The following SNF8 variants were observed in gnomAD, a reference collection of about 807,000 sequenced individuals.
The protein encoded by SNF8 is SNF8 subunit of ESCRT-II.
A neutral mutation model predicts 36.8 loss-of-function variants in SNF8; 19 were observed. That is an observed-to-expected ratio of 0.52 (90% CI 0.36 to 0.76). The LOEUF is 0.76. SNF8 is among the 30% of genes least tolerant of loss of function. The pLI, the probability that SNF8 is intolerant of heterozygous loss-of-function variation, is 0.00. For synonymous variants in SNF8, 127 were observed against 127.4 expected, an observed-to-expected ratio of 1.00 and a Z score of 0.02; for missense variants, 268 against 322.9, an observed-to-expected ratio of 0.83 and a Z score of 1.30.
At chr17:48,937,614 G>C (rs909495804) in intron 3 of SNF8, among the ~76,000 whole-genome samples, 3 of 143,472 alleles carry the variant, frequency 2.1e-5, no homozygotes, top group African/African-American at 7.5e-5. Context: ...TGGGCAATAA[G>C]AGCACAACTC....
chr17:48,935,061 AAAT>A (rs1458580501), intron 5 of SNF8, among the ~76,000 whole-genome samples: 2 of 152,100 alleles, frequency 1.3e-5, no homozygotes, highest in African/African-American at 2.4e-5. Context: ...CCTTGGCCTC[AAAT>A]AATCTCACGA....
In SNF8 at chr17:48,937,073, T is replaced by G; in HGVS notation, c.296A>C (p.Glu99Ala). ...CACTTCGATAATTTGGACACCTAGT[T>G]CGTAATAGAAGTCCCCCACGCCCAG... Reference protein sequence around the residue: ...EMLGVGDFYYELGVQIIEVCL... With the variant: ...EMLGVGDFYYALGVQIIEVCL... Residue 99 changes from glutamate to alanine, a missense_variant, in exon 4 of 8, where the codon GAA becomes GCA. Glu to Ala is a moderately radical substitution (Grantham distance 107). Transcript: ENST00000502492. 1 of 1,614,180 alleles carries G rather than the reference T, an allele frequency of 6.2e-7. No homozygotes were observed. The highest frequency in any genetic ancestry group is 8.5e-7 in the Non-Finnish European group (1 of 1,180,020).
chr17:48,942,228 T>C (rs1274957060), intron 2 of SNF8, among the ~76,000 whole-genome samples: 3 of 151,978 alleles, frequency 2.0e-5, no homozygotes, highest in African/African-American at 7.3e-5. Context: ...CCAATATTTA[T>C]TTCTCATATA....
At chr17:48,938,872 T>G (rs2040978185) in intron 3 of SNF8, among the ~76,000 whole-genome samples, 1 of 140,926 alleles carries the variant, frequency 7.1e-6, no homozygotes, top group Non-Finnish European at 1.5e-5. Context: ...AGACTCCGTC[T>G]CAAAAAAAAA....
intron 5 of SNF8, chr17:48,933,609 C>T: frequency 2.5e-6 from 1 of 402,330 alleles, no homozygotes; most frequent in South Asian, 2.9e-5. Context: ...GGCATGGTGG[C>T]AATCGCCTAT....
At chr17:48,937,676 C>A (rs2040956195) in intron 3 of SNF8, among the ~76,000 whole-genome samples, 1 of 150,728 alleles carries the variant, frequency 6.6e-6, no homozygotes, top group Admixed American at 6.6e-5. Context: ...GCCTGTAATT[C>A]CAGCACTTTG....
At chr17:48,940,901 G>A in intron 3 of SNF8, 23 bp downstream of exon 3, 2 of 1,609,682 alleles carry the variant, frequency 1.2e-6, no homozygotes, top group Non-Finnish European at 1.7e-6. Context: ...AAGAACGCTG[G>A]ACCCCTACAG....
chr17:48,942,551 G>T (rs1190511691), intron 2 of SNF8, among the ~76,000 whole-genome samples: 2 of 152,078 alleles, frequency 1.3e-5, no homozygotes, highest in South Asian at 4.1e-4. Context: ...TACAGAGAAG[G>T]GAAGGGCTGG....
intron 4 of SNF8, 184 bp downstream of exon 4, chr17:48,936,836 T>C: frequency 1.6e-6 from 1 of 627,856 alleles, no homozygotes; most frequent in Non-Finnish European, 2.8e-6. Context: ...GAGACAATCG[T>C]TCAGGTAATT....
At chr17:48,936,842 T>A (rs2143805197) in intron 4 of SNF8, 178 bp downstream of exon 4, 1 of 637,862 alleles carries the variant, frequency 1.6e-6, no homozygotes, top group Admixed American at 2.7e-5. Context: ...ATCGTTCAGG[T>A]AATTCTATTT....
At chr17:48,935,846 C>T (rs752111630) in intron 5 of SNF8, 96 of 201,530 alleles carry the variant, frequency 4.8e-4, no homozygotes, top group Non-Finnish European at 8.5e-4. Flanking sequence ...CTAAAAATAG[C>T]CAGCCATACT....
Position 48,929,442 on chromosome 17 carries a change from A to G in SNF8, c.*1033T>C, listed in dbSNP as rs1488691112. ...TGAGTTTTCAGATTTCCAGTACTAAACTAGCACTTTTAGGATCTTAGCCTT... is the reference window on the plus strand; with the variant it reads ...TGAGTTTTCAGATTTCCAGTACTAAGCTAGCACTTTTAGGATCTTAGCCTT... On this transcript the variant is annotated 3_prime_UTR_variant, in exon 8 of 8. Coordinates refer to ENST00000502492, the MANE Select transcript of SNF8 (RefSeq NM_007241.4). 1.3e-5 allele frequency: 2 copies of G among 152,174 alleles called. No homozygotes were observed. The highest frequency in any genetic ancestry group is 4.8e-5 in the African/African-American group (2 of 41,438). 9.4% of individuals were successfully genotyped at this position (152,174 alleles called of 1,614,324 possible).
intron 2 of SNF8, among the ~76,000 whole-genome samples, chr17:48,942,301 C>T (rs558561273): frequency 1.0e-3 from 151 of 150,220 alleles, no homozygotes; most frequent in African/African-American, 3.6e-3. Flanking sequence ...CACGCCACTG[C>T]ACTCCAGCCT....
intron 2 of SNF8, among the ~76,000 whole-genome samples, chr17:48,942,298 C>T (rs1183606806): frequency 6.6e-6 from 1 of 150,428 alleles, no homozygotes; most frequent in African/African-American, 2.5e-5. Context: ...GATCACGCCA[C>T]TGCACTCCAG....
chr17:48,941,116 T>C (rs1189741409), intron 2 of SNF8, 54 bp from the exon 3 acceptor site: 3 of 1,595,598 alleles, frequency 1.9e-6, no homozygotes, highest in Non-Finnish European at 2.6e-6. Flanking sequence ...GATAATCAGA[T>C]GCCAAAAACA....
intron 5 of SNF8, chr17:48,933,598 G>A (rs773390021): frequency 9.3e-6 from 4 of 431,406 alleles, no homozygotes; most frequent in Non-Finnish European, 1.7e-5. Context: ...AAAATTAGCA[G>A]GGCATGGTGG....
chr17:48,934,856 C>T (rs369740419), intron 5 of SNF8, among the ~76,000 whole-genome samples: 7 of 152,178 alleles, frequency 4.6e-5, no homozygotes, highest in East Asian at 1.9e-4. Flanking sequence ...CACCCAGCCT[C>T]GTTACTTTTC....
At position 48,943,907 on chromosome 17, in the gene SNF8, GC is replaced by G. The variant is rs749010734; in HGVS notation, c.105+17del. ...GGTTAGGTCTCCCTCCCTGCCTGGG[GC>G]CCCCCAACCGACTTACCTGGGCTAG... On this transcript the variant is annotated intron_variant, in intron 2 of 7. Coordinates refer to ENST00000502492, the MANE Select transcript of SNF8 (RefSeq NM_007241.4). 1 of 1,613,306 alleles carries G rather than the reference GC, an allele frequency of 6.2e-7. No homozygotes were observed. The highest frequency in any genetic ancestry group is 8.5e-7 in the Non-Finnish European group (1 of 1,179,312).
chr17:48,937,874 C>A (rs1378743782), intron 3 of SNF8, among the ~76,000 whole-genome samples: 2 of 151,620 alleles, frequency 1.3e-5, no homozygotes, highest in Non-Finnish European at 2.9e-5. Flanking sequence ...TGCAGTGAGC[C>A]GGGATTACGC....
Sources: gnomAD v4.1 joint callset for allele counts (sites outside exome capture counted in the v4.1 genomes callset) on GRCh38, gnomAD v4.1.1 for gene constraint, MANE v1.5 for transcripts, NCBI Gene and HGNC (gene_info 2026-07-23, HGNC 2026-07-21) for gene names.